The following GALNT16 variants were observed in gnomAD, a reference collection of about 807,000 sequenced individuals.
The protein encoded by GALNT16 is UDP-GalNAc:polypeptide N-acetylgalactosaminyltransferase-like protein 1.
In GALNT16, 40 loss-of-function variants were observed where a neutral mutation model predicts 76.1. The ratio of observed to expected loss-of-function variants is 0.53; its 90% CI spans 0.41 to 0.68. GALNT16 has a LOEUF of 0.68. Among genes scored for constraint, GALNT16 ranks in the 30% least tolerant of loss-of-function variants. The pLI, the probability that GALNT16 is intolerant of heterozygous loss-of-function variation, is 0.00. For synonymous variants in GALNT16, 276 were observed against 285.2 expected, an observed-to-expected ratio of 0.97 and a Z score of 0.32; for missense variants, 621 against 731.9, an observed-to-expected ratio of 0.85 and a Z score of 1.75.
Position 69,341,720 on chromosome 14 carries a change from C to T in GALNT16, c.1227C>T (p.Cys409=), listed in dbSNP as rs762891847. 5.6e-6 allele frequency: 9 copies of T among 1,613,070 alleles called. No homozygotes were observed. The East Asian group carries it at 2.0e-4, about 36-fold the overall frequency. The change falls in exon 12 of 15, where the codon TGC becomes TGT. Residue 409 remains cysteine (C), a synonymous_variant. Transcript: ENST00000448469. ...TRIEQRKKMN[C]KSFRWYLENV... ...TAGAGCAGAGGAAGAAGATGAACTG[C>T]AAGTCCTTCCGCTGGTACCTGGAGA...
In GALNT16 at chr14:69,289,932, T is replaced by A. The variant is rs1391364404; in HGVS notation, c.177+29465T>A. 5.3e-5 allele frequency among the ~76,000 whole-genome samples: 8 copies of A among 151,780 alleles called. No individual in the cohort carries two copies. The South Asian group carries it at 8.3e-4, about 16-fold the overall frequency. ...TTTGTTTTTTTTAATAGAGACAGGGTTTCACCGTGTTGCCCAGGGTAGCCT... is the reference window on the plus strand; with the variant it reads ...TTTGTTTTTTTTAATAGAGACAGGGATTCACCGTGTTGCCCAGGGTAGCCT... On this transcript the variant is annotated intron_variant, in intron 1 of 14. Transcript: ENST00000448469.
At chr14:69,319,098 G>A (rs565442868) in intron 1 of GALNT16, among the ~76,000 whole-genome samples, 14 of 152,358 alleles carry the variant, frequency 9.2e-5, no homozygotes, top group Admixed American at 2.0e-4. Context: ...ACCATCATGA[G>A]CATCTGTGTC....
chr14:69,373,988 C>T, the GALNT16 span, among the ~76,000 whole-genome samples: 1 of 152,272 alleles, frequency 6.6e-6, no homozygotes, highest in African/African-American at 2.4e-5. Flanking sequence ...GCCACGTTGC[C>T]CAGGCTGGTC....
In GALNT16 at chr14:69,322,981, T is replaced by TGTGTGTGTGTGCGC. The variant is rs1196943800; in HGVS notation, c.336-1710_336-1709insTGTGTGTGTGCGCG. On this transcript the variant is annotated intron_variant, in intron 2 of 14. Transcript: ENST00000448469. ...GTGTGTGTGTGTGTGTGTGTGTGTG[T>TGTGTGTGTGTGCGC]GCGCGCGCACGCGCGCACGCATGCA... Among the ~76,000 whole-genome samples the TGTGTGTGTGTGCGC allele has an allele frequency of 4.2e-4, 12 of 28,320 alleles. No individual in the cohort carries two copies. In the Admixed American group the frequency reaches 4.4e-3, roughly 10 times the overall value. 18.6% of individuals were successfully genotyped at this position (28,320 alleles called of 152,430 possible). A position where few individuals can be genotyped will look rare whatever the true frequency, so the allele number is the denominator to read the frequency against.
chr14:69,300,588 T>C (rs906306824), intron 1 of GALNT16, among the ~76,000 whole-genome samples: 2 of 152,212 alleles, frequency 1.3e-5, no homozygotes, highest in African/African-American at 2.4e-5. Context: ...CTGCAGAATC[T>C]TCCATTTCAC....
At chr14:69,269,525 C>T (rs73290565) in intron 1 of GALNT16, among the ~76,000 whole-genome samples, 20,530 of 136,740 alleles carry the variant, frequency 0.15, 2,461 homozygotes, top group African/African-American at 0.35. Context: ...ATGTGTGGGG[C>T]TTATGTGTGT....
the GALNT16 span, among the ~76,000 whole-genome samples, chr14:69,376,423 T>C: frequency 6.6e-6 from 1 of 152,178 alleles, no homozygotes; most frequent in Non-Finnish European, 1.5e-5. Flanking sequence ...TCCTCCAAGA[T>C]AGTAATTCAT....
chr14:69,305,132 CTT>C (rs34469974), intron 1 of GALNT16, among the ~76,000 whole-genome samples: 110 of 134,074 alleles, frequency 8.2e-4, no homozygotes, highest in Non-Finnish European at 1.1e-3. Context: ...CAACACTTGT[CTT>C]TTTTTTTTTT....
chr14:69,334,268 G>A (rs1480035280), intron 9 of GALNT16, among the ~76,000 whole-genome samples: 1 of 152,174 alleles, frequency 6.6e-6, no homozygotes, highest in African/African-American at 2.4e-5. Context: ...AGCTGGAGGG[G>A]GCTGGACCCT....
downstream of GALNT16, chr14:69,358,089 C>T (rs1339050774): frequency 6.6e-6 from 1 of 152,228 alleles, no homozygotes; most frequent in Non-Finnish European, 1.5e-5. Flanking sequence ...ATCTTGGACC[C>T]GGAGGTCTGA....
chr14:69,259,867 G>A (rs574297227), upstream of GALNT16: 466 of 171,346 alleles, frequency 2.7e-3, 3 homozygotes, highest in African/African-American at 0.011. Context: ...TCACCTAGCG[G>A]TGGGAGCCGA....
At position 69,339,515 on chromosome 14, in the gene GALNT16, C is replaced by T. The variant is rs2140188899; in HGVS notation, c.1095-12C>T. The stretch of plus-strand genomic sequence containing the variant: ...CCTGGTGACCTTATTTTGCTCTTTC[C>T]TCTCCTTTTAGGAATACTAAGCGCA... On this transcript the variant is annotated splice_polypyrimidine_tract_variant and intron_variant, in intron 10 of 14. Coordinates refer to ENST00000448469, the MANE Select transcript of GALNT16 (RefSeq NM_001168368.2). 2 of 1,567,376 alleles carry T rather than the reference C, an allele frequency of 1.3e-6. No individual in the cohort carries two copies. The highest frequency in any genetic ancestry group is 2.2e-5 in the East Asian group (1 of 44,696).
At chr14:69,373,780 C>CGTT in the GALNT16 span, among the ~76,000 whole-genome samples, 472 of 150,964 alleles carry the variant, frequency 3.1e-3, 4 homozygotes, top group African/African-American at 0.011. Flanking sequence ...TTCTCTCTTT[C>CGTT]CTTTTTCTTT....
chr14:69,328,596 G>C (rs919849195), intron 6 of GALNT16, 25 bp downstream of exon 6: 9 of 1,603,888 alleles, frequency 5.6e-6, no homozygotes, highest in African/African-American at 1.3e-5. Flanking sequence ...CTGGGGAGCT[G>C]GGCGTCCTTG....
intron 5 of GALNT16, among the ~76,000 whole-genome samples, chr14:69,327,904 G>A (rs977645254): frequency 5.9e-5 from 9 of 152,302 alleles, no homozygotes; most frequent in East Asian, 1.9e-4. Flanking sequence ...TGTCCCTGTC[G>A]TCTTGTTTGA....
intron 1 of GALNT16, among the ~76,000 whole-genome samples, chr14:69,272,995 T>G (rs1020439762): frequency 3.3e-5 from 5 of 152,200 alleles, no homozygotes; most frequent in African/African-American, 9.7e-5. Flanking sequence ...AATGCATGAC[T>G]GTATACAAAG....
rs1265964996 is a variant in GALNT16 at position 69,322,977 on chromosome 14, TGTGTGCGCGCGCAC to T, written c.336-1713_336-1700del. On this transcript the variant is annotated intron_variant, in intron 2 of 14. Transcript: ENST00000448469. ...GTGTGTGTGTGTGTGTGTGTGTGTG[TGTGTGCGCGCGCAC>T]GCGCGCACGCATGCACACGTGTAGG... is the stretch of plus-strand genomic sequence containing the variant. Among the ~76,000 whole-genome samples the T allele has an allele frequency of 4.6e-3, 157 of 34,262 alleles. 8 individuals are homozygous for T. The highest frequency in any genetic ancestry group is 0.04 in the African/African-American group (150 of 3,776). 22.5% of individuals were successfully genotyped at this position (34,262 alleles called of 152,430 possible). A position where few individuals can be genotyped will look rare whatever the true frequency, so the allele number is the denominator to read the frequency against.
intron 1 of GALNT16, among the ~76,000 whole-genome samples, chr14:69,306,403 T>A (rs2044934984): frequency 6.6e-6 from 1 of 152,208 alleles, no homozygotes; most frequent in South Asian, 2.1e-4. Context: ...TTGATCATAC[T>A]GTTAAATTTA....
chr14:69,338,877 C>A, intron 10 of GALNT16, 100 bp downstream of exon 10: 2 of 933,978 alleles, frequency 2.1e-6, no homozygotes, highest in Non-Finnish European at 3.2e-6. Context: ...GCAGCCACCT[C>A]ACTTCTTGGG....
Sources: gnomAD v4.1 joint callset for allele counts (sites outside exome capture counted in the v4.1 genomes callset) on GRCh38, gnomAD v4.1.1 for gene constraint, MANE v1.5 for transcripts, NCBI Gene and HGNC (gene_info 2026-07-23, HGNC 2026-07-21) for gene names.